Variants in RNASET2 observed in about 807,000 individuals in gnomAD.
RNASET2 encodes the protein ribonuclease T2, also known as ribonuclease 6.
In RNASET2, 28 loss-of-function variants were observed where a neutral mutation model predicts 33.9. The observed-to-expected ratio is 0.83, with a 90% confidence interval of 0.61 to 1.13. The LOEUF (loss-of-function observed/expected upper bound fraction) is 1.13. Ranked by LOEUF, RNASET2 falls within the 50% of genes most tolerant of loss-of-function variation. The pLI, the probability that RNASET2 is intolerant of heterozygous loss-of-function variation, is 0.00. For missense variants in RNASET2, 330 were observed against 319.9 expected (o/e 1.03, Z -0.24); for synonymous variants, 123 against 121.0 (o/e 1.02, Z -0.11).
chr6:166,944,657 C>A (rs886414283), intron 4 of RNASET2, among the ~76,000 whole-genome samples: 16 of 152,128 alleles, frequency 1.1e-4, no homozygotes, highest in Non-Finnish European at 2.4e-4. Context: ...GCGGCTCACA[C>A]CACCACAGAC....
chr6:166,955,331 G>GCA (rs1182571611), intron 1 of RNASET2, among the ~76,000 whole-genome samples: 1 of 50,668 alleles, frequency 2.0e-5, no homozygotes, highest in Non-Finnish European at 3.4e-5. Context: ...ACACACGCAC[G>GCA]CACGCACACG....
intron 6 of RNASET2, chr6:166,935,172 A>C (rs980515965): frequency 2.6e-5 from 4 of 151,846 alleles, no homozygotes; most frequent in Non-Finnish European, 5.9e-5. Flanking sequence ...CGCCTACCCT[A>C]GCTGTTGGTG....
At chr6:166,938,601 AT>A (rs1239424174) in intron 6 of RNASET2, 1 of 665,420 alleles carries the variant, frequency 1.5e-6, no homozygotes, top group African/African-American at 1.8e-5. Flanking sequence ...AGAACGGCAC[AT>A]GCTGGTTGGA....
chr6:166,930,539 T>C (rs544951753), intron 8 of RNASET2, among the ~76,000 whole-genome samples: 33 of 144,726 alleles, frequency 2.3e-4, no homozygotes, highest in African/African-American at 7.6e-4. Flanking sequence ...TGCACACACA[T>C]GCCCACATGC....
intron 2 of RNASET2, among the ~76,000 whole-genome samples, chr6:166,951,637 T>C (rs1477249317): frequency 6.6e-6 from 1 of 152,230 alleles, no homozygotes; most frequent in African/African-American, 2.4e-5. Flanking sequence ...CCTATCTCTG[T>C]ATGGCCTGGT....
At chr6:166,949,222 G>C (rs962470866) in intron 2 of RNASET2, among the ~76,000 whole-genome samples, 1 of 86,616 alleles carries the variant, frequency 1.2e-5, no homozygotes, top group Non-Finnish European at 2.4e-5. Flanking sequence ...AAAAAAAAAA[G>C]GCTGGGCACA....
chr6:166,955,233 ACG>A (rs1562506695), intron 1 of RNASET2, among the ~76,000 whole-genome samples: 3 of 127,324 alleles, frequency 2.4e-5, no homozygotes, highest in African/African-American at 3.5e-5. Flanking sequence ...GCACACACGC[ACG>A]CACGCACACA....
intron 3 of RNASET2, among the ~76,000 whole-genome samples, chr6:166,947,815 G>A (rs1341081172): frequency 1.3e-5 from 2 of 152,140 alleles, no homozygotes; most frequent in Non-Finnish European, 2.9e-5. Context: ...CAGATGGGGC[G>A]ATTAATGTGC....
In RNASET2 at chr6:166,924,573, T is replaced by C. The variant is rs139090151; in HGVS notation, c.*5015A>G. Among the ~76,000 whole-genome samples, 953 of 152,254 alleles carry C rather than the reference T, an allele frequency of 6.3e-3. 13 individuals are homozygous for C. Among genetic ancestry groups the C allele is most frequent in the African/African-American group, 0.021 (890 of 41,534 alleles). ...CACAGATCCTTCCCTGCAGTTGCTG[T>C]CTCCCTTTCTTCAGGTTCCGAGGAA... On this transcript the variant is annotated 3_prime_UTR_variant, in exon 9 of 9. Transcript: ENST00000508775.
In RNASET2 at chr6:166,926,644, G is replaced by C. The variant is rs560244628; in HGVS notation, c.*2944C>G. Among the ~76,000 whole-genome samples, 4 of 152,276 alleles carry C rather than the reference G, an allele frequency of 2.6e-5. No individual in the cohort carries two copies. The highest frequency in any genetic ancestry group is 4.4e-5 in the Non-Finnish European group (3 of 68,016). On this transcript the variant is annotated 3_prime_UTR_variant, in exon 9 of 9. Transcript: ENST00000508775. ...TGATCTCCCACTACTAGCTTGGAGA[G>C]AGGGATTGCTTTCCAGGTGACAAAG... is the stretch of plus-strand genomic sequence containing the variant.
In RNASET2 at chr6:166,926,723, C is replaced by A. The variant is rs1778311473; in HGVS notation, c.*2865G>T. On this transcript the variant is annotated 3_prime_UTR_variant, in exon 9 of 9. Coordinates refer to ENST00000508775, the MANE Select transcript of RNASET2 (RefSeq NM_003730.6). ...GCTCTTGGGTACAGCAATAGCCCTG[C>A]TGAGAAGGGGCTGGTCTGAAGGAGT... is the stretch of plus-strand genomic sequence containing the variant. 6.6e-6 allele frequency among the ~76,000 whole-genome samples: 1 copy of A among 152,120 alleles called. No individual in the cohort carries two copies.
At position 166,930,990 on chromosome 6, in the gene RNASET2, A is replaced by T. The variant is rs962444243; in HGVS notation, c.567+54T>A. 2.4e-6 allele frequency: 3 copies of T among 1,253,414 alleles called. No homozygotes were observed. In the African/African-American group the frequency reaches 4.4e-5, roughly 19 times the overall value. The allele number at this position is 1,253,414 out of a possible 1,614,324, so 77.6% of individuals were successfully genotyped here. ...CATGGTGAAGACAAGGCCATCAGAA[A>T]AGTAGAACCTGTCTTCTTGAGAAAA... On this transcript the variant is annotated intron_variant, in intron 8 of 8. Transcript: ENST00000508775.
At chr6:166,951,589 C>T (rs1289814129) in intron 2 of RNASET2, among the ~76,000 whole-genome samples, 2 of 145,828 alleles carry the variant, frequency 1.4e-5, no homozygotes, top group Non-Finnish European at 3.1e-5. Context: ...GAGGCTCACA[C>T]TTGTCTTCTG....
At chr6:166,940,898 C>T (rs955325942) in intron 5 of RNASET2, among the ~76,000 whole-genome samples, 1 of 152,080 alleles carries the variant, frequency 6.6e-6, no homozygotes, top group African/African-American at 2.4e-5. Context: ...CCAGCCCGCT[C>T]GGCCACAACA....
At position 166,928,418 on chromosome 6, in the gene RNASET2, G is replaced by A. The variant is rs898666860; in HGVS notation, c.*1170C>T. Among the ~76,000 whole-genome samples, 2 of 148,690 alleles carry A rather than the reference G, an allele frequency of 1.3e-5. No homozygotes were observed. The highest frequency in any genetic ancestry group is 3.6e-3 in the Middle Eastern group (1 of 280). On this transcript the variant is annotated 3_prime_UTR_variant, in exon 9 of 9. Coordinates refer to ENST00000508775, the MANE Select transcript of RNASET2 (RefSeq NM_003730.6). ...CTTCTTTAAATGGGCGAGTAAAGCC[G>A]AATATTCACAGGCATTGATACAGCT...
At chr6:166,943,917 C>G (rs1162823842) in intron 4 of RNASET2, 2 of 301,828 alleles carry the variant, frequency 6.6e-6, no homozygotes, top group African/African-American at 4.5e-5. Flanking sequence ...GTCAGGAGAT[C>G]GAGACCATCC....
rs1197491948 is a variant in RNASET2 at position 166,938,894 on chromosome 6, C to T, written c.446+1G>A. ...TGCAGCCGGGGGAAGGGCGCACCCA[C>T]CTGTTGAGGTCCAGCTCCCTGTAGA... On this transcript the variant is annotated splice_donor_variant, in intron 6 of 8. Coordinates refer to ENST00000508775, the MANE Select transcript of RNASET2 (RefSeq NM_003730.6). LOFTEE classifies it high-confidence loss of function. 31 of 1,605,890 alleles carry T rather than the reference C, an allele frequency of 1.9e-5. No individual in the cohort carries two copies. Among genetic ancestry groups the T allele is most frequent in the Non-Finnish European group, 2.6e-5 (31 of 1,172,492 alleles).
At chr6:166,955,658 G>A in intron 1 of RNASET2, 1 of 1,017,482 alleles carries the variant, frequency 9.8e-7, no homozygotes, top group Non-Finnish European at 1.2e-6. Flanking sequence ...CCAGCTCCAG[G>A]CTGGAGTGTA....
At chr6:166,951,175 G>A (rs1480806881) in intron 2 of RNASET2, among the ~76,000 whole-genome samples, 1 of 148,418 alleles carries the variant, frequency 6.7e-6, no homozygotes, top group Non-Finnish European at 1.5e-5. Context: ...CGGAGGCGGA[G>A]AGAGAGAGAG....
Sources: gnomAD v4.1 joint callset for allele counts (sites outside exome capture counted in the v4.1 genomes callset) on GRCh38, gnomAD v4.1.1 for gene constraint, MANE v1.5 for transcripts, NCBI Gene and HGNC (gene_info 2026-07-23, HGNC 2026-07-21) for gene names.